The following HIVEP3 variants were observed in gnomAD, a reference collection of about 807,000 sequenced individuals.
HIVEP3 encodes transcription factor HIVEP3.
HIVEP3 carries 49 observed loss-of-function variants against 152.8 expected under a neutral mutation model. The ratio of observed to expected loss-of-function variants is 0.32; its 90% CI spans 0.26 to 0.41. The LOEUF (loss-of-function observed/expected upper bound fraction) is 0.41. HIVEP3 is among the 10% of genes least tolerant of loss of function. The pLI is 1.00. For synonymous variants in HIVEP3, 1,269 were observed against 1,289.0 expected (o/e 0.98, Z 0.33); for missense variants, 2,790 against 3,103.3 (o/e 0.90, Z 2.40).
chr1:41,615,230 TTAAA>T (rs1307129464), intron 3 of HIVEP3, among the ~76,000 whole-genome samples: 13 of 152,364 alleles, frequency 8.5e-5, no homozygotes, highest in African/African-American at 1.7e-4. Context: ...TTTTACTGAA[TTAAA>T]TAAATAATTT....
chr1:41,522,917 G>A (rs145445743), intron 6 of HIVEP3, among the ~76,000 whole-genome samples: 335 of 152,346 alleles, frequency 2.2e-3, no homozygotes, highest in African/African-American at 7.8e-3. Context: ...GCCACTCCAA[G>A]TGCAGCTTTT....
chr1:41,756,238 T>TA (rs573601691), intron 1 of HIVEP3, among the ~76,000 whole-genome samples: 9 of 152,190 alleles, frequency 5.9e-5, no homozygotes, highest in Non-Finnish European at 1.3e-4. Context: ...ATTATAGAGA[T>TA]AGAGGACAAA....
intron 1 of HIVEP3, among the ~76,000 whole-genome samples, chr1:42,031,817 G>C (rs1328499742): frequency 6.6e-6 from 1 of 152,104 alleles, no homozygotes. Context: ...TCCTAAGCCA[G>C]AAGTATATAA....
intron 1 of HIVEP3, among the ~76,000 whole-genome samples, chr1:41,817,361 ATGAAACC>A (rs1642439221): frequency 6.6e-6 from 1 of 152,178 alleles, no homozygotes; most frequent in Non-Finnish European, 1.5e-5. Flanking sequence ...AGGAGTTGCA[ATGAAACC>A]TGACACAGCA....
chr1:41,817,609 A>G (rs1320289760), intron 1 of HIVEP3, among the ~76,000 whole-genome samples: 2 of 152,180 alleles, frequency 1.3e-5, no homozygotes, highest in East Asian at 3.8e-4. Context: ...CTGTGGTTCA[A>G]TGCTCCATTT....
intron 1 of HIVEP3, among the ~76,000 whole-genome samples, chr1:41,742,195 C>T (rs552709919): frequency 7.9e-5 from 12 of 152,280 alleles, no homozygotes; most frequent in South Asian, 4.1e-4. Flanking sequence ...TCCATCCATA[C>T]GCTCATCTTT....
chr1:41,513,667 C>A lies in HIVEP3; in HGVS notation c.5554G>T (p.Asp1852Tyr), dbSNP rs377222265. Residue 1852 changes from aspartate (D) to tyrosine (Y), a missense_variant, in exon 8 of 9, where the codon GAC (aspartate) becomes TAC (tyrosine). Around this residue, in one of 9 missense-constraint regions of HIVEP3, gnomAD observed 816 missense variants for 806.5 expected, o/e 1.01. Transcript: ENST00000372583. ...TCCAGGTCTGAGTCTGAGTCCGAGT[C>A]CTCCAGGTCCGAAAACTGGTGCTCC... ...VEEHQFSDLEDSDSDSDLDED... is the reference protein window; with the variant it reads ...VEEHQFSDLEYSDSDSDLDED... The A allele has an allele frequency of 5.4e-5, 87 of 1,612,850 alleles. No homozygotes were observed. The highest frequency in any genetic ancestry group is 7.0e-5 in the Non-Finnish European group (83 of 1,179,630).
intron 2 of HIVEP3, among the ~76,000 whole-genome samples, chr1:41,631,636 C>A (rs1382889009): frequency 6.6e-6 from 1 of 152,074 alleles, no homozygotes; most frequent in Non-Finnish European, 1.5e-5. Flanking sequence ...GCTATGAAAC[C>A]CAGCCAGCCC....
chr1:41,530,342 C>T (rs1413750422), intron 5 of HIVEP3, among the ~76,000 whole-genome samples: 1 of 152,228 alleles, frequency 6.6e-6, no homozygotes, highest in East Asian at 1.9e-4. Flanking sequence ...TGGCCAAGCA[C>T]GAGGCATCTG....
rs975503468 is a variant in HIVEP3, at chr1:41,918,274, T to A, written c.-801+139A>T. The stretch of plus-strand genomic sequence containing the variant: ...CCTGCGTCTCGGCAGCCGGACACCT[T>A]GCCTAAGAAAGGCATACACAAAATG... On this transcript the variant is annotated intron_variant, in intron 1 of 8. Transcript: ENST00000372583. The surrounding 1 kb of genome is among the most constrained non-coding windows in gnomAD (Gnocchi z 4.3). 6.5e-6 allele frequency: 1 copy of A among 153,874 alleles called. No homozygotes were observed. The highest frequency in any genetic ancestry group is 2.4e-5 in the African/African-American group (1 of 41,474). 9.5% of individuals were successfully genotyped at this position (153,874 alleles called of 1,614,324 possible). A position where few individuals can be genotyped will look rare whatever the true frequency, so the allele number is the denominator to read the frequency against.
At chr1:41,638,519 A>T (rs1336838540) in intron 2 of HIVEP3, among the ~76,000 whole-genome samples, 1 of 152,280 alleles carries the variant, frequency 6.6e-6, no homozygotes. Context: ...CTGTACATTT[A>T]AAAATGATTA....
chr1:41,582,698 A>T lies in HIVEP3; in HGVS notation c.2100T>A (p.His700Gln). Residue 700 changes from histidine to glutamine, a missense_variant, in exon 4 of 9, where the codon CAT becomes CAA. Coordinates refer to ENST00000372583, the MANE Select transcript of HIVEP3 (RefSeq NM_024503.5). The surrounding 1 kb of genome is among the most constrained non-coding windows in gnomAD (Gnocchi z 4.7). ...IEHEPWSQMM[H>Q]YKLGTTLELT... is the part of the protein sequence containing the mutation. ...GTTCCAGGGTGGTTCCCAGTTTGTA[A>T]TGCATCATTTGGGACCACGGCTCAT... 1 of 1,614,014 alleles carries T rather than the reference A, an allele frequency of 6.2e-7. No individual in the cohort carries two copies. The highest frequency in any genetic ancestry group is 1.3e-5 in the African/African-American group (1 of 74,958).
intron 3 of HIVEP3, among the ~76,000 whole-genome samples, chr1:41,589,311 C>T (rs1480517286): frequency 1.3e-5 from 2 of 152,196 alleles, no homozygotes; most frequent in Non-Finnish European, 2.9e-5. Flanking sequence ...GCTTATAACC[C>T]TGAGGGGAAC....
At chr1:41,894,799 G>T (rs1228339160) in intron 1 of HIVEP3, among the ~76,000 whole-genome samples, 2 of 152,160 alleles carry the variant, frequency 1.3e-5, no homozygotes, top group Non-Finnish European at 2.9e-5. Flanking sequence ...TCTGGCCTTT[G>T]CATGCTGGCT....
At chr1:41,620,580 T>G (rs1345706785) in intron 3 of HIVEP3, among the ~76,000 whole-genome samples, 1 of 152,182 alleles carries the variant, frequency 6.6e-6, no homozygotes, top group Non-Finnish European at 1.5e-5. Flanking sequence ...TCACCTTGAC[T>G]TGGTAGCAGC....
intron 1 of HIVEP3, among the ~76,000 whole-genome samples, chr1:41,729,409 G>C (rs1453281061): frequency 3.3e-5 from 5 of 152,218 alleles, no homozygotes; most frequent in Non-Finnish European, 5.9e-5. Flanking sequence ...CTGGTTCTCA[G>C]ATTGGCAAAG....
At chr1:41,790,072 T>C (rs1016541244) in intron 1 of HIVEP3, among the ~76,000 whole-genome samples, 1 of 152,214 alleles carries the variant, frequency 6.6e-6, no homozygotes, top group African/African-American at 2.4e-5. Flanking sequence ...CTGGTGGAAC[T>C]GGCTTCTCTG....
Position 41,584,576 on chromosome 1 carries a change from C to G in HIVEP3, c.222G>C (p.Thr74=). 1 of 1,614,004 alleles carries G rather than the reference C, an allele frequency of 6.2e-7. No individual in the cohort carries two copies. The change falls in exon 4 of 9, where the codon ACG becomes ACC. Residue 74 remains threonine, a synonymous_variant. Coordinates refer to ENST00000372583, the MANE Select transcript of HIVEP3 (RefSeq NM_024503.5). This position sits in a 1 kb window ranked among gnomAD's most constrained non-coding sequence, Gnocchi z 5.2. ...TTTTGGGGGGCTTCTGCTGCTGGCC[C>G]GTTTTCTCCTGAGAGCCTTCCCTAA... ...SVLREGSQEK[T]GQQQKPPKRP... is the part of the protein sequence containing the mutation.
intron 1 of HIVEP3, among the ~76,000 whole-genome samples, chr1:41,967,015 T>C (rs1645202746): frequency 6.6e-6 from 1 of 152,070 alleles, no homozygotes; most frequent in South Asian, 2.1e-4. Context: ...CCTAAATATA[T>C]ATGCACCTAA....
Sources: allele counts gnomAD v4.1 joint callset (sites outside exome capture counted in the v4.1 genomes callset), GRCh38; gene constraint gnomAD v4.1.1; regional missense constraint gnomAD v4.1.1; non-coding constraint Gnocchi (gnomAD v3.1); transcripts MANE v1.5; gene names NCBI Gene and HGNC (gene_info 2026-07-23, HGNC 2026-07-21).